SIDT1: variants seen among roughly 807,000 people sequenced by gnomAD.
The protein encoded by SIDT1 is SID1 transmembrane family, member 1.
Under a neutral mutation model 107.5 loss-of-function variants are expected in SIDT1, and 101 were observed. The observed-to-expected ratio is 0.94, with a 90% CI of 0.80 to 1.11. The LOEUF (loss-of-function observed/expected upper bound fraction) is 1.11, where lower values mean the gene tolerates loss of function less well. SIDT1 is among the 50% of genes least tolerant of loss of function. SIDT1 has a pLI of 0.00. For synonymous variants in SIDT1, 395 were observed against 398.2 expected (o/e 0.99, Z 0.10); for missense variants, 1,076 against 1,058.2 (o/e 1.02, Z -0.23).
At chr3:113,574,821 TTTAA>T (rs1295028142) in intron 3 of SIDT1, among the ~76,000 whole-genome samples, 1 of 152,188 alleles carries the variant, frequency 6.6e-6, no homozygotes, top group African/African-American at 2.4e-5. Context: ...TTAAAATGTG[TTTAA>T]TTTTTAAAAC....
intron 3 of SIDT1, among the ~76,000 whole-genome samples, chr3:113,571,525 ACT>A (rs1942456328): frequency 9.5e-6 from 1 of 104,906 alleles, no homozygotes; most frequent in South Asian, 3.3e-4. Flanking sequence ...CTGTGCCACT[ACT>A]CTTTTTCTAC....
chr3:113,557,212 C>T (rs183550329), intron 1 of SIDT1, among the ~76,000 whole-genome samples: 71 of 152,260 alleles, frequency 4.7e-4, no homozygotes, highest in Admixed American at 3.7e-3. Context: ...TGTTAATTCA[C>T]TTTAACAGCA....
chr3:113,631,597 C>G (rs768753480), downstream of SIDT1, among the ~76,000 whole-genome samples: 4 of 152,072 alleles, frequency 2.6e-5, no homozygotes, highest in Admixed American at 6.5e-5. Flanking sequence ...CCTTTGTTAA[C>G]AAGGTTAAGA....
At chr3:113,575,366 C>T (rs72950892) in intron 3 of SIDT1, among the ~76,000 whole-genome samples, 1,987 of 152,310 alleles carry the variant, frequency 0.013, 35 homozygotes, top group African/African-American at 0.045. Context: ...AATTGAAGGT[C>T]TCATGTTGCC....
Position 113,585,271 on chromosome 3 carries a change from G to A in SIDT1, c.1001+1G>A. The A allele has an allele frequency of 6.2e-7, 1 of 1,602,736 alleles. No individual in the cohort carries two copies. On this transcript the variant is annotated splice_donor_variant, in intron 9 of 24. Transcript: ENST00000264852. LOFTEE classifies it high-confidence loss of function. ...TTGTTGGGTTTGTTCATTATCTGAG[G>A]TAGGTCAATCTTTTCTAGAAATGTT...
intron 1 of SIDT1, among the ~76,000 whole-genome samples, chr3:113,534,720 C>G (rs1403965346): frequency 2.0e-5 from 3 of 152,176 alleles, no homozygotes; most frequent in Non-Finnish European, 4.4e-5. Context: ...CTCAGCTTCC[C>G]CCTAAATCAT....
chr3:113,572,798 G>A (rs1045817226), intron 3 of SIDT1, among the ~76,000 whole-genome samples: 4 of 152,162 alleles, frequency 2.6e-5, no homozygotes, highest in African/African-American at 9.7e-5. Flanking sequence ...CCCTCCTCTA[G>A]CCTTCTAAGT....
downstream of SIDT1, chr3:113,633,131 T>C (rs181242287): frequency 6.6e-6 from 1 of 152,264 alleles, no homozygotes; most frequent in East Asian, 1.9e-4. Context: ...CATATTTGGT[T>C]CTGGAGGCCT....
At chr3:113,625,098 G>T (rs766372373) in intron 23 of SIDT1, among the ~76,000 whole-genome samples, 2 of 149,064 alleles carry the variant, frequency 1.3e-5, no homozygotes, top group African/African-American at 2.5e-5. Context: ...TAGTAGAATT[G>T]CTGGATCATA....
chr3:113,620,698 C>G (rs2107804252), intron 21 of SIDT1, among the ~76,000 whole-genome samples: 1 of 152,264 alleles, frequency 6.6e-6, no homozygotes, highest in East Asian at 1.9e-4. Context: ...TCCTCCTTTA[C>G]TTGGGGGCAG....
intron 6 of SIDT1, 52 bp downstream of exon 6, chr3:113,581,496 A>T (rs759830066): frequency 2.8e-6 from 4 of 1,418,532 alleles, no homozygotes; most frequent in Non-Finnish European, 4.0e-6. Context: ...CTCAATAGAT[A>T]GTGTACTTAC....
chr3:113,535,751 G>A (rs984337179), intron 1 of SIDT1, among the ~76,000 whole-genome samples: 2 of 152,156 alleles, frequency 1.3e-5, no homozygotes, highest in African/African-American at 4.8e-5. Context: ...AAATCTTACA[G>A]CCTTCTGGGA....
intron 14 of SIDT1, among the ~76,000 whole-genome samples, chr3:113,605,841 C>T (rs1576932641): frequency 6.6e-6 from 1 of 151,382 alleles, no homozygotes; most frequent in South Asian, 2.1e-4. Context: ...CTGACTCTAC[C>T]AAAAATACAA....
chr3:113,605,247 C>A (rs899881464), intron 14 of SIDT1, among the ~76,000 whole-genome samples: 2 of 151,366 alleles, frequency 1.3e-5, no homozygotes, highest in South Asian at 4.2e-4. Flanking sequence ...CTCAGCCTCC[C>A]GAGTAGCTGG....
rs1159047381 is a variant in SIDT1, at chr3:113,618,312, T to A, written c.2044-1368T>A. ...TTGCCCGGATGTGGGATGTGCCACG[T>A]TTATTTATTCACCCACTAAAGGGCA... On this transcript the variant is annotated intron_variant, in intron 20 of 24. Transcript: ENST00000264852. Among the ~76,000 whole-genome samples, 3 of 152,344 alleles carry A rather than the reference T, an allele frequency of 2.0e-5. No homozygotes were observed. In the East Asian group the frequency reaches 5.8e-4, roughly 29 times the overall value.
chr3:113,585,424 C>T (rs1943673283), intron 9 of SIDT1, among the ~76,000 whole-genome samples, 154 bp downstream of exon 9: 1 of 152,100 alleles, frequency 6.6e-6, no homozygotes, highest in South Asian at 2.1e-4. Flanking sequence ...AGATGTTGCT[C>T]AACTCTCTGT....
chr3:113,606,254 G>A lies in SIDT1; in HGVS notation c.1405-787G>A, dbSNP rs56037471. 9.6e-4 allele frequency among the ~76,000 whole-genome samples: 146 copies of A among 152,248 alleles called. 1 individual carries two copies. The highest frequency in any genetic ancestry group is 1.1e-3 in the Non-Finnish European group (75 of 68,022). On this transcript the variant is annotated intron_variant, in intron 14 of 24. Coordinates refer to ENST00000264852, the MANE Select transcript of SIDT1 (RefSeq NM_017699.3). ...AGCTGAAGTTGCTTCTAATGCAGTGGCCCTCAGACTTTGCTCTGCATTAAG... is the reference window on the plus strand; with the variant it reads ...AGCTGAAGTTGCTTCTAATGCAGTGACCCTCAGACTTTGCTCTGCATTAAG...
intron 1 of SIDT1, among the ~76,000 whole-genome samples, chr3:113,534,972 G>C (rs1937943807): frequency 6.6e-6 from 1 of 152,162 alleles, no homozygotes; most frequent in South Asian, 2.1e-4. Flanking sequence ...CACAGTGAAT[G>C]GCACATAAGA....
At chr3:113,597,929 A>G (rs1039622620) in intron 10 of SIDT1, among the ~76,000 whole-genome samples, 1 of 152,200 alleles carries the variant, frequency 6.6e-6, no homozygotes, top group African/African-American at 2.4e-5. Flanking sequence ...GCCTTCCCAG[A>G]CCATACTTGA....
Sources: allele counts gnomAD v4.1 joint callset (sites outside exome capture counted in the v4.1 genomes callset), GRCh38; gene constraint gnomAD v4.1.1; transcripts MANE v1.5; gene names NCBI Gene and HGNC (gene_info 2026-07-23, HGNC 2026-07-21).